Variants in ZNF609 observed in about 807,000 individuals in gnomAD.
The protein encoded by ZNF609 is zinc finger protein 609.
Under a neutral mutation model 109.5 loss-of-function variants are expected in ZNF609, and 11 were observed. The ratio of observed to expected loss-of-function variants is 0.10; its 90% CI spans 0.06 to 0.17. The LOEUF (loss-of-function observed/expected upper bound fraction) is 0.17, where lower values mean the gene tolerates loss of function less well. ZNF609 is among the 10% of genes least tolerant of loss of function. ZNF609 has a pLI of 1.00. For missense variants in ZNF609, 1,559 were observed against 1,772.4 expected, an observed-to-expected ratio of 0.88 and a Z score of 2.16; for synonymous variants, 646 against 662.0, an observed-to-expected ratio of 0.98 and a Z score of 0.37.
chr15:64,548,862 G>T (rs1894413297), intron 2 of ZNF609, among the ~76,000 whole-genome samples: 1 of 152,142 alleles, frequency 6.6e-6, no homozygotes, highest in South Asian at 2.1e-4. Flanking sequence ...ACCTACTTGA[G>T]ATGAAATATT....
intron 3 of ZNF609, among the ~76,000 whole-genome samples, chr15:64,648,353 A>G (rs997433004): frequency 6.6e-6 from 1 of 152,170 alleles, no homozygotes; most frequent in Non-Finnish European, 1.5e-5. Flanking sequence ...TTAGCCAGGC[A>G]TGGTGTCATA....
chr15:64,471,986 C>G (rs1250083254), intron 1 of ZNF609, among the ~76,000 whole-genome samples: 2 of 152,136 alleles, frequency 1.3e-5, no homozygotes, highest in Non-Finnish European at 2.9e-5. Context: ...TCTCAGCTAA[C>G]TGCATCCTCA....
intron 3 of ZNF609, among the ~76,000 whole-genome samples, chr15:64,652,076 G>T (rs1896425112): frequency 6.6e-6 from 1 of 151,994 alleles, no homozygotes; most frequent in Non-Finnish European, 1.5e-5. Context: ...GTCTCTCTCT[G>T]TCACCCAAGC....
At chr15:64,588,428 A>T (rs1364393144) in intron 2 of ZNF609, among the ~76,000 whole-genome samples, 1 of 128,944 alleles carries the variant, frequency 7.8e-6, no homozygotes, top group Admixed American at 7.7e-5. Flanking sequence ...ACTCTGTCTA[A>T]AAAAAAAAAA....
chr15:64,525,612 G>A (rs1893958110), intron 2 of ZNF609, among the ~76,000 whole-genome samples: 1 of 152,082 alleles, frequency 6.6e-6, no homozygotes, highest in Admixed American at 6.5e-5. Context: ...CAAGAAGCAG[G>A]CTAGGATTTT....
At chr15:64,476,948 T>C (rs1003165911) in intron 1 of ZNF609, among the ~76,000 whole-genome samples, 4 of 152,084 alleles carry the variant, frequency 2.6e-5, no homozygotes, top group African/African-American at 9.7e-5. Context: ...GCTATGCGCC[T>C]GGCCTAAAGC....
At chr15:64,475,223 G>C (rs1287226461) in intron 1 of ZNF609, among the ~76,000 whole-genome samples, 1 of 147,914 alleles carries the variant, frequency 6.8e-6, no homozygotes, top group Non-Finnish European at 1.5e-5. Context: ...TCCCAGGACA[G>C]TTAACTCCCA....
chr15:64,636,034 T>G (rs1349866076), intron 3 of ZNF609, among the ~76,000 whole-genome samples: 4 of 152,192 alleles, frequency 2.6e-5, no homozygotes, highest in Non-Finnish European at 5.9e-5. Flanking sequence ...AGCTGATTCC[T>G]CCTGGCATTA....
At chr15:64,506,422 C>T (rs1182546080) in intron 2 of ZNF609, among the ~76,000 whole-genome samples, 1 of 149,758 alleles carries the variant, frequency 6.7e-6, no homozygotes, top group Non-Finnish European at 1.5e-5. Flanking sequence ...CACACCCAGC[C>T]TTTAAGTTTG....
In ZNF609 at chr15:64,675,530, C is replaced by T. The variant is rs532357651; in HGVS notation, c.2676C>T (p.Tyr892=). The T allele has an allele frequency of 2.5e-5, 40 of 1,614,200 alleles. 1 individual carries two copies. In the South Asian group the frequency reaches 4.0e-4, roughly 16 times the overall value. ...CTCAGAGCAAAGACTCACCATATTACCAAGGCTTTGAGAGTTACTATTCTC... is the reference window on the plus strand; with the variant it reads ...CTCAGAGCAAAGACTCACCATATTATCAAGGCTTTGAGAGTTACTATTCTC... ...PQPQSKDSPY[Y]QGFESYYSPS... Residue 892 remains tyrosine, a synonymous_variant, in exon 5 of 10, where the codon TAC becomes TAT. Transcript: ENST00000326648.
In ZNF609 at chr15:64,655,785, C is replaced by T. The variant is rs553904235; in HGVS notation, c.974-14561C>T. 2.0e-4 allele frequency among the ~76,000 whole-genome samples: 31 copies of T among 152,044 alleles called. No individual in the cohort carries two copies. The South Asian group carries it at 5.4e-3, about 27-fold the overall frequency. On this transcript the variant is annotated intron_variant, in intron 3 of 9. Transcript: ENST00000326648. ...ACGGGGTTGCAGTGAGCTGAGATCA[C>T]GCCGTTGCACTCCAGCCTGGGCAAC...
chr15:64,606,442 C>T (rs1403355131), intron 2 of ZNF609, among the ~76,000 whole-genome samples: 1 of 151,414 alleles, frequency 6.6e-6, no homozygotes, highest in South Asian at 2.1e-4. Context: ...CGCCTGTAAT[C>T]CCAGCTACTT....
intron 2 of ZNF609, among the ~76,000 whole-genome samples, chr15:64,561,556 T>C (rs28379878): frequency 3.8e-4 from 57 of 150,080 alleles, no homozygotes; most frequent in Non-Finnish European, 4.9e-4. Context: ...CTTTTTCTTT[T>C]TTTTTTTTTT....
rs147285043 is a variant in ZNF609, at chr15:64,675,453, G to A, written c.2599G>A (p.Ala867Thr). ...GGTAGACAGTGTCAAATCAAAGGAC[G>A]CCGAACAGTTGGTTAAAGAAGGGGC... is the stretch of plus-strand genomic sequence containing the variant. Reference protein sequence around the residue: ...GKVDSVKSKDAEQLVKEGAKK... With the variant: ...GKVDSVKSKDTEQLVKEGAKK... The change falls in exon 5 of 10, where the codon GCC (alanine) becomes ACC (threonine). Residue 867 changes from alanine to threonine, a missense_variant. Ala to Thr is a moderately conservative substitution (Grantham distance 58). Coordinates refer to ENST00000326648, the MANE Select transcript of ZNF609 (RefSeq NM_015042.2). 6.2e-6 allele frequency: 10 copies of A among 1,614,154 alleles called. No individual in the cohort carries two copies. The highest frequency in any genetic ancestry group is 1.7e-4 in the Middle Eastern group (1 of 6,060).
chr15:64,597,197 T>C (rs1477017363), intron 2 of ZNF609, among the ~76,000 whole-genome samples: 2 of 152,166 alleles, frequency 1.3e-5, no homozygotes, highest in African/African-American at 4.8e-5. Flanking sequence ...GAGTCTAGAA[T>C]GAGAGGGACT....
intron 1 of ZNF609, among the ~76,000 whole-genome samples, chr15:64,478,234 G>C (rs1893200552): frequency 1.3e-5 from 2 of 150,522 alleles, no homozygotes; most frequent in South Asian, 4.2e-4. Context: ...TGTTGCCCAG[G>C]TTGGAGGACA....
At chr15:64,464,647 C>T (rs559152017) in intron 1 of ZNF609, among the ~76,000 whole-genome samples, 1 of 151,300 alleles carries the variant, frequency 6.6e-6, no homozygotes. Flanking sequence ...ATTAAATATG[C>T]CTTCATGATA....
chr15:64,618,976 C>A (rs1895840724), intron 2 of ZNF609, among the ~76,000 whole-genome samples: 1 of 152,232 alleles, frequency 6.6e-6, no homozygotes, highest in African/African-American at 2.4e-5. Context: ...TGGACACAGG[C>A]CCCTGATGGA....
At chr15:64,621,543 G>GT (rs1429326924) in intron 2 of ZNF609, among the ~76,000 whole-genome samples, 1 of 151,826 alleles carries the variant, frequency 6.6e-6, no homozygotes, top group African/African-American at 2.4e-5. Flanking sequence ...TTTTATAGAG[G>GT]TGGGGTCTTG....
Sources: gnomAD v4.1 joint callset for allele counts (sites outside exome capture counted in the v4.1 genomes callset) on GRCh38, gnomAD v4.1.1 for gene constraint, MANE v1.5 for transcripts, NCBI Gene and HGNC (gene_info 2026-07-23, HGNC 2026-07-21) for gene names.